The following POLM variants were observed in gnomAD, a reference collection of about 807,000 sequenced individuals.
POLM encodes DNA polymerase mu.
In POLM, 52 loss-of-function variants were observed where a neutral mutation model predicts 56.7. The ratio of observed to expected loss-of-function variants is 0.92; its 90% CI spans 0.73 to 1.15. The LOEUF is 1.15. Ranked by LOEUF, POLM falls within the 50% of genes most tolerant of loss-of-function variation. POLM has a pLI of 0.00. For synonymous variants in POLM, 273 were observed against 274.3 expected (o/e 1.00, Z 0.05); for missense variants, 660 against 663.6 (o/e 0.99, Z 0.06).
At chr7:44,074,267 AC>A in intron 7 of POLM, 34 bp from the exon 8 acceptor site, 1 of 1,550,496 alleles carries the variant, frequency 6.4e-7, no homozygotes, top group Non-Finnish European at 8.7e-7. Flanking sequence ...ACTCAGGGAC[AC>A]GGCCTGCTCA....
intron 6 of POLM, among the ~76,000 whole-genome samples, chr7:44,075,484 C>T (rs550366994): frequency 7.5e-6 from 1 of 132,860 alleles, no homozygotes; most frequent in South Asian, 2.3e-4. Flanking sequence ...CGGGTCTCAC[C>T]TCCTGTCAGC....
chr7:44,082,144 G>C, intron 1 of POLM, 107 bp downstream of exon 1: 1 of 941,504 alleles, frequency 1.1e-6, no homozygotes, highest in South Asian at 1.9e-5. Context: ...CAGAAGAGGA[G>C]ATGGAGGCTC....
intron 6 of POLM, chr7:44,075,613 T>G (rs2096181244): frequency 6.6e-6 from 1 of 152,092 alleles, no homozygotes; most frequent in African/African-American, 2.4e-5. Flanking sequence ...CCAGATGGTG[T>G]GGCCAGAGTA....
At chr7:44,081,392 T>C (rs1282017977) in intron 1 of POLM, among the ~76,000 whole-genome samples, 1 of 152,228 alleles carries the variant, frequency 6.6e-6, no homozygotes, top group African/African-American at 2.4e-5. Context: ...TGTACAAAGA[T>C]AGTGCCTTGT....
At chr7:44,079,536 C>T in intron 4 of POLM, 35 bp downstream of exon 4, 1 of 1,432,120 alleles carries the variant, frequency 7.0e-7, no homozygotes, top group East Asian at 2.3e-5. Context: ...CCTCCCCACC[C>T]ACCCACTCAC....
chr7:44,080,900 C>CA lies in POLM; in HGVS notation c.204dup (p.Val69CysfsTer102). The stretch of plus-strand genomic sequence containing the variant: ...TCTGCTGAGGTCTCTTCCATCACAA[C>CA]ATGTGTCGCTTCGGAGCTGGTGGAG... On this transcript the variant is annotated frameshift_variant, in exon 2 of 11. Transcript: ENST00000242248. LOFTEE classifies it high-confidence loss of function. 2 of 1,576,102 alleles carry CA rather than the reference C, an allele frequency of 1.3e-6. No homozygotes were observed. The highest frequency in any genetic ancestry group is 1.2e-5 in the South Asian group (1 of 84,856).
At chr7:44,081,646 T>C (rs376792427) in intron 1 of POLM, among the ~76,000 whole-genome samples, 69 of 152,126 alleles carry the variant, frequency 4.5e-4, no homozygotes, top group African/African-American at 1.6e-3. Context: ...TACTCAGGCC[T>C]GAGGACAGAG....
At chr7:44,080,382 C>G (rs2096196300) in intron 2 of POLM, 1 of 551,434 alleles carries the variant, frequency 1.8e-6, no homozygotes, top group Admixed American at 2.2e-5. Flanking sequence ...AGGCCGGGAG[C>G]CTTATAGCAT....
In POLM at chr7:44,082,250, C is replaced by G. The variant is rs762083653; in HGVS notation, c.188+1G>C. The G allele has an allele frequency of 3.4e-6, 5 of 1,468,698 alleles. No individual in the cohort carries two copies. The East Asian group carries it at 1.2e-4, about 34-fold the overall frequency. 91.0% of individuals were successfully genotyped at this position (1,468,698 alleles called of 1,614,324 possible). On this transcript the variant is annotated splice_donor_variant, in intron 1 of 10. Coordinates refer to ENST00000242248, the MANE Select transcript of POLM (RefSeq NM_013284.4). LOFTEE classifies it high-confidence loss of function. Reference sequence around the variant, plus strand: ...CCTCGCCGCGCCGCGCCGCCCCGCACCTGCAGGCGTCAAGGACGCGGAAGC... The same window carrying G: ...CCTCGCCGCGCCGCGCCGCCCCGCAGCTGCAGGCGTCAAGGACGCGGAAGC...
chr7:44,081,610 T>C (rs560490532), intron 1 of POLM, among the ~76,000 whole-genome samples: 1 of 152,176 alleles, frequency 6.6e-6, no homozygotes, highest in Non-Finnish European at 1.5e-5. Context: ...GTTCCCTTCC[T>C]ACAAGAGCTT....
chr7:44,075,131 A>C (rs945807241), intron 6 of POLM, among the ~76,000 whole-genome samples: 5 of 151,936 alleles, frequency 3.3e-5, no homozygotes, highest in Non-Finnish European at 5.9e-5. Flanking sequence ...GCTTACTGCA[A>C]CCTCCACCTC....
Position 44,079,901 on chromosome 7 carries a change from T to TA in POLM, c.430_431insT (p.Gln144LeufsTer27). On this transcript the variant is annotated frameshift_variant, in exon 3 of 11. Coordinates refer to ENST00000242248, the MANE Select transcript of POLM (RefSeq NM_013284.4). LOFTEE classifies it high-confidence loss of function. Reference sequence around the variant, plus strand: ...GTGGTGTGTGAGGGGCGTAGGGCGCTGGCAGGCATAGGCAGGCATCCATGC... The same window carrying TA: ...GTGGTGTGTGAGGGGCGTAGGGCGCTAGGCAGGCATAGGCAGGCATCCATGC... The TA allele has an allele frequency of 6.2e-7, 1 of 1,614,118 alleles. No homozygotes were observed. The highest frequency in any genetic ancestry group is 1.1e-5 in the South Asian group (1 of 91,084).
Position 44,079,934 on chromosome 7 carries a change from A to G in POLM, c.398T>C (p.Leu133Pro). ...LEVAGPRKGP[L>P]SPAWMPAYAC... ...ATAGGCAGGCATCCATGCTGGGCTC[A>G]GAGGCCCCTTCCTTGGCCCAGCCAC... Residue 133 changes from leucine (L) to proline (P), a missense_variant, in exon 3 of 11, where the codon CTG becomes CCG. By Grantham distance (98) the Leu-to-Pro change is moderately conservative. Transcript: ENST00000242248. 6.2e-7 allele frequency: 1 copy of G among 1,613,806 alleles called. No individual in the cohort carries two copies. The highest frequency in any genetic ancestry group is 8.5e-7 in the Non-Finnish European group (1 of 1,179,936).
At chr7:44,079,831 G>A (rs1486513888) in intron 3 of POLM, 30 bp downstream of exon 3, 1 of 1,612,568 alleles carries the variant, frequency 6.2e-7, no homozygotes. Flanking sequence ...CAACCCCCAG[G>A]GCTGGCCAAG....
chr7:44,079,528 T>TG, intron 4 of POLM, 43 bp downstream of exon 4: 150 of 1,506,140 alleles, frequency 1.0e-4, no homozygotes, highest in Non-Finnish European at 1.1e-4. Context: ...CCCCAAGGCC[T>TG]CCCCACCCAC....
At chr7:44,077,406 T>A (rs116389941) in intron 5 of POLM, among the ~76,000 whole-genome samples, 4,290 of 152,344 alleles carry the variant, frequency 0.028, 142 homozygotes, top group South Asian at 0.1. Context: ...TGGGCTCTGC[T>A]GGCCCTCCTT....
At chr7:44,076,651 C>T (rs41549317) in intron 5 of POLM, 22 bp from the exon 6 acceptor site, 367 of 1,612,686 alleles carry the variant, frequency 2.3e-4, no homozygotes, top group Non-Finnish European at 2.8e-4. Context: ...GAGCGTAGCC[C>T]GGTTGGGCAG....
At chr7:44,077,306 C>T (rs770814615) in intron 5 of POLM, among the ~76,000 whole-genome samples, 1 of 152,350 alleles carries the variant, frequency 6.6e-6, no homozygotes, top group South Asian at 2.1e-4. Flanking sequence ...AGCCACCGTG[C>T]AGAGGGGCAG....
At chr7:44,074,827 A>C (rs2096179495) in intron 6 of POLM, among the ~76,000 whole-genome samples, 1 of 152,232 alleles carries the variant, frequency 6.6e-6, no homozygotes, top group Admixed American at 6.5e-5. Flanking sequence ...CTCCCCCAAA[A>C]GGTTAACCCC....
Sources: allele counts gnomAD v4.1 joint callset (sites outside exome capture counted in the v4.1 genomes callset), GRCh38; gene constraint gnomAD v4.1.1; transcripts MANE v1.5; gene names NCBI Gene and HGNC (gene_info 2026-07-23, HGNC 2026-07-21).